TLN2: variants seen among roughly 807,000 people sequenced by gnomAD.
TLN2 encodes the protein talin-2.
TLN2 carries 118 observed loss-of-function variants against 294.7 expected under a neutral mutation model. The ratio of observed to expected loss-of-function variants is 0.40; its 90% CI spans 0.34 to 0.47. TLN2 has a LOEUF of 0.47. Among genes scored for constraint, TLN2 ranks in the 20% least tolerant of loss-of-function variants. The probability of loss-of-function intolerance (pLI) is 0.84; values close to 1 mark genes in which losing one functional copy is unlikely to be tolerated. For synonymous variants in TLN2, 1,431 were observed against 1,304.5 expected (o/e 1.10, Z -2.09); for missense variants, 3,083 against 3,282.2 (o/e 0.94, Z 1.48).
chr15:62,446,832 A>C (rs2035845567), intron 1 of TLN2, among the ~76,000 whole-genome samples: 1 of 152,220 alleles, frequency 6.6e-6, no homozygotes, highest in Non-Finnish European at 1.5e-5. Context: ...ATTCTACTTA[A>C]GATAATATGT....
At chr15:62,827,533 A>G (rs377297625) in intron 54 of TLN2, 2 of 152,322 alleles carry the variant, frequency 1.3e-5, no homozygotes, top group East Asian at 3.9e-4. Flanking sequence ...TAGTCAAAGT[A>G]CAGAACAGTG....
intron 1 of TLN2, among the ~76,000 whole-genome samples, chr15:62,537,175 C>T (rs367627605): frequency 9.2e-5 from 14 of 152,074 alleles, no homozygotes; most frequent in African/African-American, 3.4e-4. Flanking sequence ...CCTGCCACCA[C>T]GCCCGGCTAA....
chr15:62,820,575 A>T lies in TLN2; in HGVS notation c.6967A>T (p.Lys2323Ter). 1.9e-6 allele frequency: 3 copies of T among 1,613,782 alleles called. No individual in the cohort carries two copies. The highest frequency in any genetic ancestry group is 2.5e-6 in the Non-Finnish European group (3 of 1,179,830). The part of the protein sequence containing the change: ...AAASIEAAAK[K>*]LEQLKPRAKP... ...AGCATCCATCGAAGCTGCTGCTAAG[A>T]AGTTAGAGCAACTGAAGCCAAGAGC... Residue 2323 changes from lysine (K) to a stop codon, truncating the protein, a stop_gained, in exon 54 of 59, where the codon AAG becomes TAG. Transcript: ENST00000636159. LOFTEE classifies it high-confidence loss of function.
At chr15:62,771,359 A>G (rs915633894) in intron 42 of TLN2, among the ~76,000 whole-genome samples, 8 of 152,348 alleles carry the variant, frequency 5.3e-5, no homozygotes, top group South Asian at 2.1e-4. Flanking sequence ...TGTGTAGACA[A>G]GTGTCCTTGG....
At chr15:62,810,547 T>C (rs1035186328) in intron 52 of TLN2, among the ~76,000 whole-genome samples, 39 of 151,912 alleles carry the variant, frequency 2.6e-4, no homozygotes, top group Admixed American at 1.3e-4. Flanking sequence ...CCCAGCCTAG[T>C]GTGCCTAGTG....
intron 1 of TLN2, among the ~76,000 whole-genome samples, chr15:62,469,589 T>C (rs984954232): frequency 1.3e-5 from 2 of 152,216 alleles, no homozygotes; most frequent in African/African-American, 4.8e-5. Flanking sequence ...CTGAATACTT[T>C]GTGTTGGTGG....
At chr15:62,801,564 G>A (rs995857809) in intron 50 of TLN2, among the ~76,000 whole-genome samples, 1 of 152,184 alleles carries the variant, frequency 6.6e-6, no homozygotes, top group Non-Finnish European at 1.5e-5. Context: ...GCGACCTAGA[G>A]CACTAGAAAC....
intron 50 of TLN2, among the ~76,000 whole-genome samples, chr15:62,802,127 C>G (rs2065967678): frequency 6.6e-6 from 1 of 151,940 alleles, no homozygotes; most frequent in South Asian, 2.1e-4. Flanking sequence ...TACTACCCTT[C>G]TTAGCCTCTG....
At chr15:62,469,340 C>CA (rs2037337626) in intron 1 of TLN2, among the ~76,000 whole-genome samples, 1 of 152,208 alleles carries the variant, frequency 6.6e-6, no homozygotes, top group Admixed American at 6.5e-5. Flanking sequence ...AATCAGAAGA[C>CA]AAAGTGTGTG....
chr15:62,604,543 A>G (rs1008940729), intron 2 of TLN2, among the ~76,000 whole-genome samples: 7 of 149,810 alleles, frequency 4.7e-5, no homozygotes, highest in Admixed American at 6.6e-5. Context: ...AAAAAAAAAA[A>G]AAAGAAAAGG....
chr15:62,506,823 A>G (rs899812318), intron 1 of TLN2, among the ~76,000 whole-genome samples: 11 of 152,256 alleles, frequency 7.2e-5, no homozygotes, highest in Admixed American at 2.0e-4. Flanking sequence ...TGTGAGCAGC[A>G]TGGCATTCAA....
At chr15:62,691,107 C>T (rs2057868520) in intron 12 of TLN2, among the ~76,000 whole-genome samples, 2 of 151,772 alleles carry the variant, frequency 1.3e-5, no homozygotes, top group East Asian at 3.9e-4. Flanking sequence ...ATTTGGAGTT[C>T]ACTCAGCTTC....
At chr15:62,758,204 G>A (rs920917659) in intron 37 of TLN2, among the ~76,000 whole-genome samples, 1 of 152,056 alleles carries the variant, frequency 6.6e-6, no homozygotes. Context: ...AGCAGGAGCA[G>A]ATTACCTCAC....
chr15:62,653,834 C>T (rs1290390702), intron 7 of TLN2, among the ~76,000 whole-genome samples: 4 of 151,846 alleles, frequency 2.6e-5, no homozygotes, highest in Non-Finnish European at 2.9e-5. Context: ...ACATTTTCTT[C>T]ATTATTGTCT....
intron 2 of TLN2, among the ~76,000 whole-genome samples, chr15:62,590,979 AT>A (rs66464929): frequency 0.096 from 13,730 of 143,156 alleles, 1,902 homozygotes; most frequent in African/African-American, 0.31. Context: ...ACCTATTTCT[AT>A]TTTTTTTTTT....
intron 1 of TLN2, among the ~76,000 whole-genome samples, chr15:62,435,734 G>A (rs2035256103): frequency 6.6e-6 from 1 of 152,078 alleles, no homozygotes; most frequent in African/African-American, 2.4e-5. Context: ...TAGAGATGGG[G>A]TTTTGCCATG....
At position 62,819,929 on chromosome 15, in the gene TLN2, A is replaced by G. The variant is rs552335127; in HGVS notation, c.6877+308A>G. On this transcript the variant is annotated intron_variant, in intron 53 of 58. Transcript: ENST00000636159. ...TTTTTTGTCTGCATTTTCATTCATCAGGATATTTATTCTCCTTCAAATAGT... is the reference window on the plus strand; with the variant it reads ...TTTTTTGTCTGCATTTTCATTCATCGGGATATTTATTCTCCTTCAAATAGT... 5.9e-5 allele frequency among the ~76,000 whole-genome samples: 9 copies of G among 152,280 alleles called. No individual in the cohort carries two copies. In the South Asian group the frequency reaches 1.2e-3, roughly 21 times the overall value.
intron 28 of TLN2, 56 bp downstream of exon 28, chr15:62,727,245 G>A (rs959310951): frequency 1.3e-4 from 197 of 1,488,792 alleles, no homozygotes; most frequent in Middle Eastern, 3.6e-4. Context: ...TGGGTGTAGT[G>A]GGGGAGGAGG....
intron 19 of TLN2, among the ~76,000 whole-genome samples, chr15:62,706,231 G>A (rs1324083213): frequency 2.8e-4 from 42 of 152,164 alleles, no homozygotes; most frequent in Admixed American, 2.6e-3. Flanking sequence ...ACTACTTTCA[G>A]TATTAAAAGC....
Sources: allele counts gnomAD v4.1 joint callset (sites outside exome capture counted in the v4.1 genomes callset), GRCh38; gene constraint gnomAD v4.1.1; transcripts MANE v1.5; gene names NCBI Gene and HGNC (gene_info 2026-07-23, HGNC 2026-07-21).